Variants in STAG1 observed in about 807,000 individuals in gnomAD.
The protein encoded by STAG1 is cohesin subunit SA-1.
A neutral mutation model predicts 170.9 loss-of-function variants in STAG1; 26 were observed. The observed-to-expected ratio is 0.15, with a 90% CI of 0.11 to 0.21. STAG1 has a LOEUF of 0.21. STAG1 is among the 10% of genes least tolerant of loss of function. The pLI, the probability that STAG1 is intolerant of heterozygous loss-of-function variation, is 1.00. For missense variants in STAG1, 964 were observed against 1,509.5 expected (o/e 0.64, Z 5.99); for synonymous variants, 514 against 497.7 (o/e 1.03, Z -0.44).
intron 7 of STAG1, chr3:136,518,274 T>C (rs1934485069): frequency 4.8e-6 from 3 of 618,702 alleles, no homozygotes; most frequent in South Asian, 3.8e-5. Flanking sequence ...TCAGCTAAGA[T>C]TTAAGCAATG....
intron 12 of STAG1, among the ~76,000 whole-genome samples, chr3:136,468,054 G>A (rs1201131403): frequency 1.3e-5 from 2 of 152,140 alleles, no homozygotes; most frequent in African/African-American, 4.8e-5. Context: ...AGAGAAAGCA[G>A]GAAAGATCTA....
At chr3:136,642,264 CTTTT>C (rs10592920) in intron 1 of STAG1, among the ~76,000 whole-genome samples, 12 of 84,952 alleles carry the variant, frequency 1.4e-4, no homozygotes, top group African/African-American at 2.9e-4. Context: ...GACAGAATTT[CTTTT>C]TTTTTTTTTT....
chr3:136,518,498 A>T (rs959506899), intron 7 of STAG1: 16 of 648,304 alleles, frequency 2.5e-5, no homozygotes, highest in Non-Finnish European at 3.4e-5. Context: ...CAAAGATGAG[A>T]ACAAAATGTC....
In STAG1 at chr3:136,408,972, TAGTA is replaced by T. The variant is rs1286258488; in HGVS notation, c.2196+8909_2196+8912del. Among the ~76,000 whole-genome samples, 7 of 152,134 alleles carry T rather than the reference TAGTA, an allele frequency of 4.6e-5. No individual in the cohort carries two copies. The East Asian group carries it at 9.7e-4, about 21-fold the overall frequency. On this transcript the variant is annotated intron_variant, in intron 21 of 33. Coordinates refer to ENST00000383202, the MANE Select transcript of STAG1 (RefSeq NM_005862.3). ...ACTCTATCAATATAAATAACATAAA[TAGTA>T]AGTCACAAGCCAGGTGCGGTGCCTC...
intron 1 of STAG1, among the ~76,000 whole-genome samples, chr3:136,674,893 G>C (rs1179900470): frequency 6.6e-6 from 1 of 152,110 alleles, no homozygotes; most frequent in Non-Finnish European, 1.5e-5. Context: ...GTAGAGTAGA[G>C]AACTTTGCTA....
intron 1 of STAG1, among the ~76,000 whole-genome samples, chr3:136,641,894 T>C (rs1940813254): frequency 6.6e-6 from 1 of 152,154 alleles, no homozygotes; most frequent in African/African-American, 2.4e-5. Context: ...TGCAACTTTA[T>C]TAAAGTATGA....
chr3:136,751,821 A>G (rs1193108074), intron 1 of STAG1, among the ~76,000 whole-genome samples: 3 of 148,732 alleles, frequency 2.0e-5, no homozygotes, highest in Non-Finnish European at 1.5e-5. Context: ...GGGGGGGCGG[A>G]GGGCGGGCTT....
intron 1 of STAG1, among the ~76,000 whole-genome samples, chr3:136,642,068 G>A (rs1940821890): frequency 6.6e-6 from 1 of 151,956 alleles, no homozygotes; most frequent in African/African-American, 2.4e-5. Flanking sequence ...TTTACTCTTA[G>A]TAATACACTT....
At chr3:136,703,714 A>G (rs1450535781) in intron 1 of STAG1, among the ~76,000 whole-genome samples, 1 of 152,086 alleles carries the variant, frequency 6.6e-6, no homozygotes, top group Non-Finnish European at 1.5e-5. Context: ...CGACAATTAA[A>G]AAACGTAGAC....
intron 1 of STAG1, among the ~76,000 whole-genome samples, chr3:136,714,593 T>A (rs1374081345): frequency 6.6e-6 from 1 of 151,952 alleles, no homozygotes; most frequent in Non-Finnish European, 1.5e-5. Flanking sequence ...CCGGGCGTGG[T>A]GGCGGGCGCC....
intron 29 of STAG1, chr3:136,348,918 A>G: frequency 3.9e-6 from 2 of 513,670 alleles, no homozygotes; most frequent in South Asian, 4.4e-5. Flanking sequence ...AGACCTAGCT[A>G]ATTTTTTCCT....
intron 1 of STAG1, among the ~76,000 whole-genome samples, chr3:136,643,928 A>C (rs1483782367): frequency 1.3e-5 from 2 of 152,162 alleles, no homozygotes; most frequent in Non-Finnish European, 2.9e-5. Flanking sequence ...GTGATTCGTA[A>C]ACAATAATTT....
intron 21 of STAG1, among the ~76,000 whole-genome samples, chr3:136,405,903 G>A (rs531570887): frequency 3.4e-5 from 5 of 149,100 alleles, no homozygotes; most frequent in African/African-American, 9.9e-5. Context: ...TACCAATGAC[G>A]ATACACAATA....
At chr3:136,746,757 T>C (rs564695496) in intron 1 of STAG1, among the ~76,000 whole-genome samples, 3 of 152,138 alleles carry the variant, frequency 2.0e-5, no homozygotes, top group African/African-American at 7.2e-5. Flanking sequence ...GAGACCAGCC[T>C]GGCCTTAGGC....
intron 6 of STAG1, among the ~76,000 whole-genome samples, chr3:136,524,209 G>C (rs1350700241): frequency 6.6e-6 from 1 of 152,156 alleles, no homozygotes; most frequent in African/African-American, 2.4e-5. Context: ...TCACGATATT[G>C]ATTATTCCTA....
rs1167114509 is a variant in STAG1, at chr3:136,421,103, A to T, written c.2098T>A (p.Ser700Thr). ...NVLSTLKRLT[S>T]FHNAHDLTKW... is the part of the protein sequence containing the mutation. ...AATAAAATAACGTACTTGTGAAAAG[A>T]AGTTAACCGCTTTAATGTAGAAAGA... Residue 700 changes from serine to threonine, a missense_variant, in exon 20 of 34, where the codon TCT (serine) becomes ACT (threonine). By Grantham distance (58) the Ser-to-Thr change is moderately conservative. Around this residue, in one of 11 missense-constraint regions of STAG1, gnomAD observed 232 missense variants for 313.0 expected, o/e 0.74. Coordinates refer to ENST00000383202, the MANE Select transcript of STAG1 (RefSeq NM_005862.3). The T allele has an allele frequency of 6.2e-7, 1 of 1,601,284 alleles. No individual in the cohort carries two copies. The highest frequency in any genetic ancestry group is 1.1e-5 in the South Asian group (1 of 89,072).
intron 9 of STAG1, among the ~76,000 whole-genome samples, chr3:136,481,946 T>C (rs997723295): frequency 1.8e-5 from 1 of 56,290 alleles, no homozygotes; most frequent in African/African-American, 5.7e-5. Flanking sequence ...TCATTTTTTA[T>C]TGCGTCTATT....
intron 1 of STAG1, among the ~76,000 whole-genome samples, chr3:136,751,336 G>C (rs146674167): frequency 2.0e-5 from 3 of 152,054 alleles, no homozygotes; most frequent in Non-Finnish European, 4.4e-5. Flanking sequence ...AAATTTCTTA[G>C]TACCCATACC....
At chr3:136,652,903 A>G (rs559092911) in intron 1 of STAG1, among the ~76,000 whole-genome samples, 5 of 152,156 alleles carry the variant, frequency 3.3e-5, no homozygotes, top group Non-Finnish European at 7.4e-5. Context: ...ATCCTCCTAA[A>G]CTGTGACAAC....
Sources: allele counts gnomAD v4.1 joint callset (sites outside exome capture counted in the v4.1 genomes callset), GRCh38; gene constraint gnomAD v4.1.1; regional missense constraint gnomAD v4.1.1; transcripts MANE v1.5; gene names NCBI Gene and HGNC (gene_info 2026-07-23, HGNC 2026-07-21).